HNRNPL: variants seen among roughly 807,000 people sequenced by gnomAD.
The protein encoded by HNRNPL is epididymis secretory sperm binding protein.
A neutral mutation model predicts 64.0 loss-of-function variants in HNRNPL; 12 were observed. The ratio of observed to expected loss-of-function variants is 0.19; its 90% CI spans 0.12 to 0.30. The LOEUF (loss-of-function observed/expected upper bound fraction) is 0.30, where lower values mean the gene tolerates loss of function less well. HNRNPL is among the 10% of genes least tolerant of loss of function. The pLI is 1.00. For missense variants in HNRNPL, 484 were observed against 797.4 expected (o/e 0.61, Z 4.73); for synonymous variants, 385 against 313.0 (o/e 1.23, Z -2.43).
intron 6 of HNRNPL, chr19:38,843,564 C>T (rs554008770): frequency 3.4e-5 from 16 of 467,520 alleles, no homozygotes; most frequent in East Asian, 7.5e-5. Flanking sequence ...GCCGCCCCCA[C>T]GCCTCATCCT....
At chr19:38,850,725 C>T (rs1600075839), upstream of HNRNPL, among the ~76,000 whole-genome samples, 1 of 152,230 alleles carries the variant, frequency 6.6e-6, no homozygotes, top group African/African-American at 2.4e-5. Context: ...TCTCTGTCGC[C>T]ATCACTATAC....
chr19:38,849,159 A>G (rs942815837), intron 1 of HNRNPL: 1 of 153,656 alleles, frequency 6.5e-6, no homozygotes, highest in Non-Finnish European at 1.4e-5. Context: ...TCCTCTTCCC[A>G]TTTTCAATGC....
intron 1 of HNRNPL, 193 bp downstream of exon 1, chr19:38,849,507 C>T: frequency 3.6e-5 from 27 of 749,756 alleles, no homozygotes; most frequent in Non-Finnish European, 4.4e-5. Flanking sequence ...CGCTCCGGAC[C>T]CCGCGCACGC....
At chr19:38,848,442 C>T (rs530865422) in intron 1 of HNRNPL, among the ~76,000 whole-genome samples, 157 of 152,308 alleles carry the variant, frequency 1.0e-3, no homozygotes, top group Admixed American at 5.8e-3. Flanking sequence ...CATTAAGAAC[C>T]GACTGCTCCT....
In HNRNPL at chr19:38,836,788, G is replaced by C; in HGVS notation, c.1712-8C>G. The C allele has an allele frequency of 1.2e-6, 2 of 1,609,754 alleles. No homozygotes were observed. Among genetic ancestry groups the C allele is most frequent in the Non-Finnish European group, 1.7e-6 (2 of 1,178,024 alleles). Reference sequence around the variant, plus strand: ...TGTAAGGGTATGGACCATCTGCAAAGGAGAGACAAGTTTGGTTGGTTCCCG... The same window carrying C: ...TGTAAGGGTATGGACCATCTGCAAACGAGAGACAAGTTTGGTTGGTTCCCG... On this transcript the variant is annotated splice_region_variant and splice_polypyrimidine_tract_variant and intron_variant, in intron 12 of 12. Transcript: ENST00000221419.
chr19:38,840,439 G>A (rs777333488), intron 7 of HNRNPL, 49 bp downstream of exon 7: 7 of 1,558,902 alleles, frequency 4.5e-6, no homozygotes, highest in Non-Finnish European at 5.2e-6. Context: ...GCGGCGGGCA[G>A]GGGCACATGA....
intron 1 of HNRNPL, chr19:38,847,713 T>G: frequency 4.4e-6 from 1 of 227,338 alleles, no homozygotes; most frequent in Non-Finnish European, 8.5e-6. Flanking sequence ...TCCCAAATCT[T>G]ACGTTCTTCC....
intron 8 of HNRNPL, chr19:38,839,544 A>G (rs1392999228): frequency 1.2e-5 from 2 of 171,586 alleles, no homozygotes; most frequent in Non-Finnish European, 2.5e-5. Context: ...AGGTCACTAC[A>G]TGTAAAGCAT....
intron 1 of HNRNPL, 85 bp downstream of exon 1, chr19:38,849,615 C>G: frequency 1.6e-6 from 2 of 1,286,506 alleles, no homozygotes; most frequent in Non-Finnish European, 2.0e-6. Flanking sequence ...TGCGCAGAGG[C>G]CCCCCTCAAA....
chr19:38,841,883 A>C (rs938764018), intron 6 of HNRNPL: 28 of 371,156 alleles, frequency 7.5e-5, no homozygotes, highest in Middle Eastern at 7.9e-4. Context: ...ACCTCCTCAC[A>C]TATGTGCTGC....
chr19:38,842,735 CCCT>C (rs1209312787), intron 6 of HNRNPL, among the ~76,000 whole-genome samples: 8 of 152,108 alleles, frequency 5.3e-5, no homozygotes, highest in African/African-American at 1.9e-4. Context: ...ACCTCATCAG[CCCT>C]CGTTTTTTTT....
chr19:38,840,416 A>T, intron 7 of HNRNPL, 40 bp from the exon 8 acceptor site: 1 of 1,568,058 alleles, frequency 6.4e-7, no homozygotes, highest in Non-Finnish European at 8.7e-7. Context: ...ACGGGTGAGA[A>T]TTTGCACGGC....
chr19:38,836,620 A>T lies in HNRNPL; in HGVS notation c.*102T>A. The T allele has an allele frequency of 1.8e-6, 1 of 555,202 alleles. No homozygotes were observed. Among genetic ancestry groups the T allele is most frequent in the South Asian group, 2.7e-5 (1 of 36,472 alleles). The allele number at this position is 555,202 out of a possible 1,614,324, so 34.4% of individuals were successfully genotyped here. On this transcript the variant is annotated 3_prime_UTR_variant, in exon 13 of 13. Transcript: ENST00000221419. Reference sequence around the variant, plus strand: ...ATTTAAAAAAAAAAAAAAAAAAAAAAAAAAGGAATACAAGATCTTTTGCAA... The same window carrying T: ...ATTTAAAAAAAAAAAAAAAAAAAAATAAAAGGAATACAAGATCTTTTGCAA...
At chr19:38,846,235 G>A (rs1168180586) in intron 2 of HNRNPL, 145 bp from the exon 3 acceptor site, 5 of 701,156 alleles carry the variant, frequency 7.1e-6, no homozygotes, top group African/African-American at 1.8e-5. Flanking sequence ...AACACCCTGT[G>A]CCACAAGTAG....
intron 12 of HNRNPL, 80 bp from the exon 13 acceptor site, chr19:38,836,860 C>T: frequency 9.8e-7 from 1 of 1,021,612 alleles, no homozygotes; most frequent in Non-Finnish European, 1.5e-6. Flanking sequence ...TTGTACCCAT[C>T]TCCCATTTTC....
chr19:38,848,151 C>T (rs905013959), intron 1 of HNRNPL, among the ~76,000 whole-genome samples: 1 of 152,186 alleles, frequency 6.6e-6, no homozygotes, highest in African/African-American at 2.4e-5. Flanking sequence ...AGTGCTATGG[C>T]GTGATCTTAG....
Position 38,849,683 on chromosome 19 carries a change from T to C in HNRNPL, c.267+17A>G, listed in dbSNP as rs769689330. 2 of 1,324,526 alleles carry C rather than the reference T, an allele frequency of 1.5e-6. No homozygotes were observed. The highest frequency in any genetic ancestry group is 6.2e-5 in the East Asian group (2 of 32,204). The allele number at this position is 1,324,526 out of a possible 1,614,324, so 82.0% of individuals were successfully genotyped here. On this transcript the variant is annotated intron_variant, in intron 1 of 12. Coordinates refer to ENST00000221419, the MANE Select transcript of HNRNPL (RefSeq NM_001533.3). ...CCCAGTTCCCGGCCTTCCCAGCGCC[T>C]AGGGCCCTGGCCTCACCCCACCGCC...
intron 6 of HNRNPL, chr19:38,841,963 G>A (rs1972130580): frequency 6.2e-6 from 2 of 322,618 alleles, no homozygotes; most frequent in Non-Finnish European, 1.2e-5. Flanking sequence ...AGGTGTGCCA[G>A]TGGCCCCACT....
chr19:38,846,906 A>AAAAC (rs199996691), intron 2 of HNRNPL, among the ~76,000 whole-genome samples: 7 of 152,000 alleles, frequency 4.6e-5, no homozygotes, highest in African/African-American at 7.3e-5. Flanking sequence ...AGACTGTCTC[A>AAAAC]AAACAAACAA....
Sources: gnomAD v4.1 joint callset for allele counts (sites outside exome capture counted in the v4.1 genomes callset) on GRCh38, gnomAD v4.1.1 for gene constraint, MANE v1.5 for transcripts, NCBI Gene and HGNC (gene_info 2026-07-23, HGNC 2026-07-21) for gene names.